Variants in CCDC175 observed in about 807,000 individuals in gnomAD.
The protein encoded by CCDC175 is coiled-coil domain containing 175.
CCDC175 carries 100 observed loss-of-function variants against 114.6 expected under a neutral mutation model. That is an observed-to-expected ratio of 0.87 (90% confidence interval 0.74 to 1.03). The LOEUF (loss-of-function observed/expected upper bound fraction) is 1.03. Among genes scored for constraint, CCDC175 ranks in the 50% least tolerant of loss-of-function variants. CCDC175 has a pLI of 0.00. For synonymous variants in CCDC175, 306 were observed against 308.7 expected (o/e 0.99, Z 0.09); for missense variants, 880 against 917.8 (o/e 0.96, Z 0.53).
intron 7 of CCDC175, among the ~76,000 whole-genome samples, chr14:59,555,211 C>T (rs1208852193): frequency 6.6e-6 from 1 of 152,062 alleles, no homozygotes; most frequent in Non-Finnish European, 1.5e-5. Context: ...TGAAAAAATC[C>T]TCAATAAAAT....
At position 59,505,188 on chromosome 14, in the gene CCDC175, CT is replaced by C; in HGVS notation, c.*50del. The C allele has an allele frequency of 5.0e-6, 5 of 994,470 alleles. 1 individual carries two copies. In the South Asian group the frequency reaches 5.6e-5, roughly 11 times the overall value. The allele number at this position is 994,470 out of a possible 1,614,324, so 61.6% of individuals were successfully genotyped here. On this transcript the variant is annotated 3_prime_UTR_variant, in exon 20 of 20. Transcript: ENST00000537690. ...CAAAATATGAAAGTAAGTGCACTCA[CT>C]TTTCCTGTAGTAGTCTGTCTTTTGA...
chr14:59,529,939 T>C (rs1328855609), intron 14 of CCDC175, among the ~76,000 whole-genome samples: 1 of 152,204 alleles, frequency 6.6e-6, no homozygotes, highest in Non-Finnish European at 1.5e-5. Flanking sequence ...TTATCTACTT[T>C]CTTCAGCATT....
intron 3 of CCDC175, among the ~76,000 whole-genome samples, chr14:59,571,148 TAA>T (rs35713404): frequency 0.14 from 17,343 of 128,402 alleles, 1,117 homozygotes; most frequent in South Asian, 0.16. Context: ...GAAATTTACC[TAA>T]AAAAAAAAAA....
intron 7 of CCDC175, among the ~76,000 whole-genome samples, chr14:59,555,392 G>A (rs1895821554): frequency 6.6e-6 from 1 of 152,116 alleles, no homozygotes; most frequent in Admixed American, 6.6e-5. Context: ...ATGCAGAAAA[G>A]GCCTTTGACA....
At position 59,543,393 on chromosome 14, in the gene CCDC175, C is replaced by G. The variant is rs1357703218; in HGVS notation, c.1234G>C (p.Asp412His). 1 of 1,481,308 alleles carries G rather than the reference C, an allele frequency of 6.8e-7. No homozygotes were observed. Among genetic ancestry groups the G allele is most frequent in the African/African-American group, 1.4e-5 (1 of 71,106 alleles). 91.8% of individuals were successfully genotyped at this position (1,481,308 alleles called of 1,614,324 possible). The change falls in exon 10 of 20, where the codon GAC (aspartate) becomes CAC (histidine). Residue 412 changes from aspartate (D) to histidine (H), a missense_variant. Physicochemically the swap from Asp to His is moderately conservative, Grantham distance 81. Transcript: ENST00000537690. Reference protein sequence around the residue: ...KEYFLSQKRVDIKNMEEGLIT... With the variant: ...KEYFLSQKRVHIKNMEEGLIT... ...AGTCCTTCTTCCATATTTTTGATGT[C>G]TACTCTCTTTTGTGACAGAAAGTAT...
chr14:59,540,314 C>A (rs1175215841), intron 11 of CCDC175, among the ~76,000 whole-genome samples: 1 of 152,112 alleles, frequency 6.6e-6, no homozygotes, highest in African/African-American at 2.4e-5. Flanking sequence ...GCAACCAAAG[C>A]AGGCCATCTG....
rs1263586447 is a variant in CCDC175, at chr14:59,572,712, C to T, written c.345G>A (p.Arg115=). The T allele has an allele frequency of 6.7e-7, 1 of 1,486,048 alleles. No homozygotes were observed. The highest frequency in any genetic ancestry group is 8.9e-7 in the Non-Finnish European group (1 of 1,125,794). 92.1% of individuals were successfully genotyped at this position (1,486,048 alleles called of 1,614,324 possible). A position where few individuals can be genotyped will look rare whatever the true frequency, so the allele number is the denominator to read the frequency against. ...LLETLPNSIK[R]ELEECVRDAR... ...TAACCTCAAAAGTACCTTCCAATTC[C>T]CTCTTAATGCTATTGGGAAGAGTTT... Residue 115 remains arginine, a synonymous_variant, in exon 3 of 20, where the codon AGG becomes AGA. Transcript: ENST00000537690.
At chr14:59,561,092 T>C (rs1211853772) in intron 7 of CCDC175, 27 bp downstream of exon 7, 4 of 1,147,834 alleles carry the variant, frequency 3.5e-6, no homozygotes, top group Non-Finnish European at 5.0e-6. Context: ...TCGAAACATT[T>C]AAGTAAAAAT....
intron 17 of CCDC175, among the ~76,000 whole-genome samples, chr14:59,513,951 A>G (rs1892902171): frequency 6.6e-6 from 1 of 152,058 alleles, no homozygotes; most frequent in South Asian, 2.1e-4. Flanking sequence ...ATGGCCGGGT[A>G]CTCCTCTGAG....
chr14:59,548,332 T>C (rs1274076365), intron 8 of CCDC175, among the ~76,000 whole-genome samples: 2 of 152,170 alleles, frequency 1.3e-5, no homozygotes, highest in Non-Finnish European at 2.9e-5. Flanking sequence ...AGGTAAAGTT[T>C]GAGTTGAATG....
At chr14:59,573,142 T>G (rs1229866113) in intron 2 of CCDC175, among the ~76,000 whole-genome samples, 1 of 152,090 alleles carries the variant, frequency 6.6e-6, no homozygotes. Flanking sequence ...AGCTACTTAT[T>G]AAAATATGGA....
intron 16 of CCDC175, 54 bp from the exon 17 acceptor site, chr14:59,521,730 T>C (rs1308339267): frequency 3.0e-6 from 3 of 985,494 alleles, no homozygotes; most frequent in Non-Finnish European, 4.6e-6. Flanking sequence ...TATAGATAAA[T>C]TATCATGTAG....
intron 13 of CCDC175, among the ~76,000 whole-genome samples, chr14:59,536,775 C>A (rs974345298): frequency 1.3e-5 from 2 of 151,946 alleles, no homozygotes; most frequent in African/African-American, 4.8e-5. Flanking sequence ...AATGTTTGAT[C>A]ATAGTATTTT....
intron 4 of CCDC175, 72 bp downstream of exon 4, chr14:59,568,173 C>T (rs1163261464): frequency 9.9e-6 from 14 of 1,412,672 alleles, no homozygotes; most frequent in Non-Finnish European, 1.3e-5. Context: ...AGAGAGTAAA[C>T]CCCTCCCGAC....
chr14:59,527,988 T>C (rs1042195277), intron 14 of CCDC175, among the ~76,000 whole-genome samples: 1 of 152,178 alleles, frequency 6.6e-6, no homozygotes, highest in Admixed American at 6.5e-5. Flanking sequence ...TTTCTTATAC[T>C]CTTTTTCTTG....
At chr14:59,549,342 G>C (rs1313771584) in intron 8 of CCDC175, among the ~76,000 whole-genome samples, 1 of 152,152 alleles carries the variant, frequency 6.6e-6, no homozygotes, top group Non-Finnish European at 1.5e-5. Context: ...AAAGCGACCT[G>C]TCTCTGCAAA....
chr14:59,573,178 T>C (rs1896930833), intron 2 of CCDC175, among the ~76,000 whole-genome samples: 1 of 152,130 alleles, frequency 6.6e-6, no homozygotes, highest in South Asian at 2.1e-4. Flanking sequence ...TATGCTTAGG[T>C]ATAAAAAAAA....
Position 59,510,790 on chromosome 14 carries a change from CA to C in CCDC175, c.2160del (p.Glu721LysfsTer7). 6.5e-7 allele frequency: 1 copy of C among 1,536,928 alleles called. No homozygotes were observed. Among genetic ancestry groups the C allele is most frequent in the Non-Finnish European group, 8.7e-7 (1 of 1,146,604 alleles). On this transcript the variant is annotated frameshift_variant, in exon 19 of 20. Transcript: ENST00000537690. LOFTEE classifies it high-confidence loss of function. ...TTGTTTATGTCTTGCAAGGTCTCTT[CA>C]CCATTGTCCACCAAGATCTAAAGAA... ...QTTVKILVDN[G>X]EETLQDINNL...
intron 16 of CCDC175, among the ~76,000 whole-genome samples, chr14:59,524,277 C>T (rs1205618945): frequency 1.3e-5 from 2 of 152,098 alleles, no homozygotes; most frequent in African/African-American, 4.8e-5. Flanking sequence ...TTATAAATAT[C>T]TAATTATTAA....
Sources: allele counts gnomAD v4.1 joint callset (sites outside exome capture counted in the v4.1 genomes callset), GRCh38; gene constraint gnomAD v4.1.1; transcripts MANE v1.5; gene names NCBI Gene and HGNC (gene_info 2026-07-23, HGNC 2026-07-21).